Variants in SOX5 observed in about 807,000 individuals in gnomAD.
The protein encoded by SOX5 is transcription factor SOX-5.
Under a neutral mutation model 92.0 loss-of-function variants are expected in SOX5, and 9 were observed. That is an observed-to-expected ratio of 0.10 (90% CI 0.06 to 0.17). The LOEUF is 0.17. Ranked by LOEUF, SOX5 falls within the 10% of genes least tolerant of loss-of-function variation. The probability of loss-of-function intolerance (pLI) is 1.00; values close to 1 mark genes in which losing one functional copy is unlikely to be tolerated. For synonymous variants in SOX5, 344 were observed against 336.3 expected, an observed-to-expected ratio of 1.02 and a Z score of -0.25; for missense variants, 642 against 944.5, an observed-to-expected ratio of 0.68 and a Z score of 4.20.
chr12:24,412,780 C>CTT (rs35640190), intron 1 of SOX5, among the ~76,000 whole-genome samples: 2,144 of 132,286 alleles, frequency 0.016, 68 homozygotes, highest in African/African-American at 0.033. Context: ...ATTAGATTTT[C>CTT]TTTTTTTTTT....
intron 8 of SOX5, among the ~76,000 whole-genome samples, chr12:23,609,014 A>C (rs919812534): frequency 1.3e-5 from 2 of 152,184 alleles, no homozygotes; most frequent in East Asian, 3.9e-4. Context: ...TTAAGAGAGA[A>C]GAAATGCATC....
chr12:24,404,056 C>T lies in SOX5; in HGVS notation c.-250-35417G>A, dbSNP rs546828155. 3.9e-5 allele frequency among the ~76,000 whole-genome samples: 6 copies of T among 152,264 alleles called. No homozygotes were observed. In the South Asian group the frequency reaches 1.0e-3, roughly 26 times the overall value. On this transcript the variant is annotated intron_variant, in intron 1 of 4. Coordinates refer to the SOX5 transcript ENST00000446891. Reference sequence around the variant, plus strand: ...TTTAAAAGGAAAATATCAAAACAATCCGATAATTCTCCTAAATATAATCCC... The same window carrying T: ...TTTAAAAGGAAAATATCAAAACAATTCGATAATTCTCCTAAATATAATCCC...
intron 4 of SOX5, among the ~76,000 whole-genome samples, chr12:23,743,749 T>C (rs182495551): frequency 6.6e-6 from 1 of 152,282 alleles, no homozygotes; most frequent in African/African-American, 2.4e-5. Context: ...CCACTTAAGT[T>C]AGCCCTCTGC....
intron 1 of SOX5, among the ~76,000 whole-genome samples, chr12:24,479,458 G>A (rs1249811930): frequency 3.9e-5 from 6 of 152,070 alleles, no homozygotes; most frequent in Admixed American, 3.3e-4. Flanking sequence ...TGCAACAACC[G>A]TTTTGCAATT....
intron 3 of SOX5, among the ~76,000 whole-genome samples, chr12:23,779,758 A>G (rs2095222480): frequency 7.0e-6 from 1 of 143,042 alleles, no homozygotes; most frequent in East Asian, 2.1e-4. Context: ...AAGCTTTACT[A>G]TTTCTTGAAT....
chr12:24,372,833 T>G (rs1956871799), intron 1 of SOX5, among the ~76,000 whole-genome samples: 1 of 151,222 alleles, frequency 6.6e-6, no homozygotes, highest in Non-Finnish European at 1.5e-5. Flanking sequence ...TAAACAGACT[T>G]GGGGATGGGT....
intron 2 of SOX5, among the ~76,000 whole-genome samples, chr12:23,875,658 A>G (rs1568539897): frequency 6.6e-6 from 1 of 152,176 alleles, no homozygotes; most frequent in African/African-American, 2.4e-5. Flanking sequence ...AGTCTGAATT[A>G]CCACTGACTT....
chr12:23,650,462 A>G (rs2081412834), intron 7 of SOX5, among the ~76,000 whole-genome samples: 2 of 152,118 alleles, frequency 1.3e-5, no homozygotes, highest in Admixed American at 1.3e-4. Context: ...TACCACTCTC[A>G]TTTCCAGGTA....
chr12:24,100,938 T>C (rs1050576521), intron 4 of SOX5, among the ~76,000 whole-genome samples: 4 of 152,116 alleles, frequency 2.6e-5, no homozygotes, highest in Non-Finnish European at 5.9e-5. Context: ...TAAGCATTAA[T>C]ATCCACATTT....
chr12:24,178,726 CCTG>C (rs1362411604), intron 4 of SOX5, among the ~76,000 whole-genome samples: 1 of 152,154 alleles, frequency 6.6e-6, no homozygotes, highest in East Asian at 1.9e-4. Flanking sequence ...TTGTCTGGCA[CCTG>C]CTAAGTGCCA....
Position 23,531,384 on chromosome 12 carries a change from T to C in SOX5, c.*2835A>G, listed in dbSNP as rs1939053074. 1 of 152,176 alleles carries C rather than the reference T, an allele frequency of 6.6e-6. No individual in the cohort carries two copies. The highest frequency in any genetic ancestry group is 1.5e-5 in the Non-Finnish European group (1 of 68,026). 9.4% of individuals were successfully genotyped at this position (152,176 alleles called of 1,614,324 possible). ...AAAAAAAAGACCAAACACCAAAGTG[T>C]TGTCAATTCATCGGTAAGTGTGTTA... On this transcript the variant is annotated 3_prime_UTR_variant, in exon 15 of 15. Transcript: ENST00000451604.
chr12:23,725,336 G>A (rs981471719), intron 6 of SOX5, among the ~76,000 whole-genome samples: 26 of 152,240 alleles, frequency 1.7e-4, no homozygotes, highest in East Asian at 1.2e-3. Flanking sequence ...CAATCATGGC[G>A]GAGATGAAGG....
Position 23,838,844 on chromosome 12 carries a change from G to GGGT in SOX5, c.481+7138_481+7139insACC, listed in dbSNP as rs1491324495. Among the ~76,000 whole-genome samples, 212 of 57,028 alleles carry GGGT rather than the reference G, an allele frequency of 3.7e-3. 6 individuals carry two copies. Among genetic ancestry groups the GGGT allele is most frequent in the Non-Finnish European group, 3.7e-3 (95 of 25,808 alleles). The allele number at this position is 57,028 out of a possible 152,430, so 37.4% of individuals were successfully genotyped here. ...TAATTCCCAGTAGTTCTTTTTTTTT[G>GGGT]GGGGGGGGGGGCGGGGATGGAGTCT... On this transcript the variant is annotated intron_variant, in intron 3 of 14. Transcript: ENST00000451604.
At chr12:24,338,288 C>A (rs954409293) in intron 2 of SOX5, among the ~76,000 whole-genome samples, 2 of 151,992 alleles carry the variant, frequency 1.3e-5, no homozygotes, top group African/African-American at 4.8e-5. Context: ...TATTTGAAAT[C>A]ATTAGTGGAC....
chr12:24,280,495 C>A (rs1302930123), intron 2 of SOX5, among the ~76,000 whole-genome samples: 1 of 152,094 alleles, frequency 6.6e-6, no homozygotes, highest in African/African-American at 2.4e-5. Context: ...ACACAGCTTT[C>A]ACTTAATAGT....
upstream of SOX5, among the ~76,000 whole-genome samples, chr12:23,951,284 T>A (rs965076070): frequency 3.3e-5 from 5 of 150,424 alleles, no homozygotes; most frequent in South Asian, 2.1e-4. Flanking sequence ...AAAAAAAAAA[T>A]AAAAGCCAGA....
At chr12:23,564,286 A>G (rs1186100007) in intron 10 of SOX5, among the ~76,000 whole-genome samples, 1 of 152,236 alleles carries the variant, frequency 6.6e-6, no homozygotes, top group Non-Finnish European at 1.5e-5. Flanking sequence ...GATGATCTGC[A>G]TGACATTAGA....
At chr12:24,486,903 G>C (rs528199602) in intron 1 of SOX5, among the ~76,000 whole-genome samples, 1 of 152,110 alleles carries the variant, frequency 6.6e-6, no homozygotes, top group African/African-American at 2.4e-5. Flanking sequence ...GTTGATCCCA[G>C]TAGCAACTCC....
intron 3 of SOX5, among the ~76,000 whole-genome samples, chr12:24,235,185 T>C (rs1435187592): frequency 2.0e-5 from 3 of 152,232 alleles, no homozygotes; most frequent in African/African-American, 2.4e-5. Context: ...AAAACATTTG[T>C]TTCAAGCTTC....
Sources: gnomAD v4.1 joint callset for allele counts (sites outside exome capture counted in the v4.1 genomes callset) on GRCh38, gnomAD v4.1.1 for gene constraint, MANE v1.5 for transcripts, NCBI Gene and HGNC (gene_info 2026-07-23, HGNC 2026-07-21) for gene names.